The following BRINP1 variants were observed in gnomAD, a reference collection of about 807,000 sequenced individuals.
BRINP1 encodes the protein BMP/retinoic acid-inducible neural-specific protein 1.
BRINP1 carries 17 observed loss-of-function variants against 72.9 expected under a neutral mutation model. That is an observed-to-expected ratio of 0.23 (90% confidence interval 0.16 to 0.35). The LOEUF (loss-of-function observed/expected upper bound fraction) is 0.35. Ranked by LOEUF, BRINP1 falls within the 10% of genes least tolerant of loss-of-function variation. BRINP1 has a pLI of 1.00. For missense variants in BRINP1, 850 were observed against 1,001.6 expected (o/e 0.85, Z 2.04); for synonymous variants, 418 against 378.5 (o/e 1.10, Z -1.21).
chr9:119,204,457 AATAAATTAAC>A (rs3837287), intron 7 of BRINP1, among the ~76,000 whole-genome samples: 22,717 of 152,122 alleles, frequency 0.15, 2,108 homozygotes, highest in Admixed American at 0.25. Flanking sequence ...TTGAAGTAAC[AATAAATTAAC>A]ATTTATTGAC....
intron 2 of BRINP1, among the ~76,000 whole-genome samples, chr9:119,305,844 C>T (rs1830992368): frequency 6.6e-6 from 1 of 152,148 alleles, no homozygotes; most frequent in Admixed American, 6.6e-5. Flanking sequence ...TTCCCTCTAT[C>T]CCCAGGAAAC....
chr9:119,280,567 C>T (rs1830700433), intron 2 of BRINP1, among the ~76,000 whole-genome samples: 1 of 152,044 alleles, frequency 6.6e-6, no homozygotes, highest in African/African-American at 2.4e-5. Flanking sequence ...TTTTTAAATG[C>T]TGTTGAATCA....
chr9:119,361,888 C>G (rs1042538880), intron 1 of BRINP1, among the ~76,000 whole-genome samples: 50 of 147,434 alleles, frequency 3.4e-4, no homozygotes, highest in African/African-American at 1.2e-3. Context: ...ACTGCAACCT[C>G]TGCCTCCCGG....
chr9:119,213,695 A>C (rs2118876834), intron 6 of BRINP1: 1 of 614,676 alleles, frequency 1.6e-6, no homozygotes, highest in Non-Finnish European at 2.9e-6. Flanking sequence ...ACAATACATC[A>C]TATGACCACA....
At chr9:119,283,205 C>G (rs560285293) in intron 2 of BRINP1, 4 of 982,790 alleles carry the variant, frequency 4.1e-6, no homozygotes, top group African/African-American at 3.5e-5. Flanking sequence ...GGGGTGGAAA[C>G]AAACAGTAGT....
intron 2 of BRINP1, among the ~76,000 whole-genome samples, chr9:119,289,317 G>T (rs575928315): frequency 3.3e-5 from 5 of 152,202 alleles, no homozygotes; most frequent in Non-Finnish European, 7.3e-5. Flanking sequence ...TAAGCTAGAG[G>T]ATTGGTATTC....
chr9:119,227,001 G>C (rs548658701), intron 5 of BRINP1, among the ~76,000 whole-genome samples: 17 of 152,024 alleles, frequency 1.1e-4, no homozygotes, highest in African/African-American at 4.1e-4. Flanking sequence ...TTTCAAATCT[G>C]AAAAATGGGA....
intron 2 of BRINP1, among the ~76,000 whole-genome samples, chr9:119,269,053 T>C (rs532353325): frequency 1.3e-5 from 2 of 152,360 alleles, no homozygotes; most frequent in Admixed American, 1.3e-4. Flanking sequence ...GTTTGTTTCC[T>C]GCACAGTGAG....
At chr9:119,336,815 T>C (rs1474477772) in intron 1 of BRINP1, among the ~76,000 whole-genome samples, 2 of 151,474 alleles carry the variant, frequency 1.3e-5, no homozygotes, top group African/African-American at 4.9e-5. Flanking sequence ...CTTGACAGAA[T>C]GGGAGAGAGA....
intron 7 of BRINP1, among the ~76,000 whole-genome samples, chr9:119,189,012 A>G (rs1426120138): frequency 6.6e-6 from 1 of 152,232 alleles, no homozygotes; most frequent in Non-Finnish European, 1.5e-5. Context: ...AATGCACAGT[A>G]TAAAACATAT....
intron 7 of BRINP1, among the ~76,000 whole-genome samples, chr9:119,175,817 C>T (rs1829482122): frequency 6.6e-6 from 1 of 152,120 alleles, no homozygotes; most frequent in African/African-American, 2.4e-5. Flanking sequence ...TACCAATAAA[C>T]TCTTGTGTGT....
At position 119,313,159 on chromosome 9, in the gene BRINP1, G is replaced by A; in HGVS notation, c.197C>T (p.Thr66Ile). 1 of 1,614,062 alleles carries A rather than the reference G, an allele frequency of 6.2e-7. No individual in the cohort carries two copies. Among genetic ancestry groups the A allele is most frequent in the Non-Finnish European group, 8.5e-7 (1 of 1,180,012 alleles). Residue 66 changes from threonine (T) to isoleucine (I), a missense_variant, in exon 2 of 8, where the codon ACA becomes ATA. Physicochemically the swap from Thr to Ile is moderately conservative, Grantham distance 89. Coordinates refer to ENST00000265922, the MANE Select transcript of BRINP1 (RefSeq NM_014618.3). ...TTACCTGTATATTTTATATCTGGTT[G>A]TAAATCCTTGACGGTGTCTTTCCAC... Reference protein sequence around the residue: ...SFVERHRQGFTTRYKIYREFA... With the variant: ...SFVERHRQGFITRYKIYREFA...
intron 4 of BRINP1, 57 bp downstream of exon 4, chr9:119,241,990 G>A: frequency 6.5e-7 from 1 of 1,546,334 alleles, no homozygotes; most frequent in Non-Finnish European, 8.8e-7. Context: ...CAGAATGCCT[G>A]CATTGCAGTG....
At chr9:119,271,545 C>T (rs1484625315) in intron 2 of BRINP1, among the ~76,000 whole-genome samples, 1 of 151,864 alleles carries the variant, frequency 6.6e-6, no homozygotes, top group East Asian at 1.9e-4. Flanking sequence ...ATAATACATT[C>T]ATTTACTTAT....
At chr9:119,241,182 C>T (rs779271378) in intron 4 of BRINP1, among the ~76,000 whole-genome samples, 47 of 152,130 alleles carry the variant, frequency 3.1e-4, no homozygotes, top group Non-Finnish European at 4.3e-4. Context: ...CAATGAGCTC[C>T]TTGGTAGCCA....
chr9:119,231,149 G>T (rs1830146032), intron 5 of BRINP1, among the ~76,000 whole-genome samples: 1 of 151,994 alleles, frequency 6.6e-6, no homozygotes, highest in South Asian at 2.1e-4. Flanking sequence ...AATTTCAGAG[G>T]TATTAAAATC....
At chr9:119,265,541 G>A (rs1830539834) in intron 2 of BRINP1, among the ~76,000 whole-genome samples, 1 of 152,104 alleles carries the variant, frequency 6.6e-6, no homozygotes. Flanking sequence ...AGGTTGCAGT[G>A]AGCTGAGATC....
At chr9:119,182,753 T>C (rs569688175) in intron 7 of BRINP1, among the ~76,000 whole-genome samples, 1 of 152,356 alleles carries the variant, frequency 6.6e-6, no homozygotes, top group East Asian at 1.9e-4. Flanking sequence ...CTCCTCAGTC[T>C]TTGTTATTTC....
In BRINP1 at chr9:119,282,383, G is replaced by A. The variant is rs78489836; in HGVS notation, c.218+30755C>T. Among the ~76,000 whole-genome samples the A allele has an allele frequency of 7.1e-3, 1,088 of 152,284 alleles. 13 individuals carry two copies. The highest frequency in any genetic ancestry group is 0.023 in the African/African-American group (937 of 41,558). ...TCCCTTCCGTAAGATCCAGCAAAAT[G>A]GGTAAGGCTTTCTGGACCTTGGATT... On this transcript the variant is annotated intron_variant, in intron 2 of 7. Coordinates refer to ENST00000265922, the MANE Select transcript of BRINP1 (RefSeq NM_014618.3).
Sources: allele counts gnomAD v4.1 joint callset (sites outside exome capture counted in the v4.1 genomes callset), GRCh38; gene constraint gnomAD v4.1.1; transcripts MANE v1.5; gene names NCBI Gene and HGNC (gene_info 2026-07-23, HGNC 2026-07-21).